Variants in CPLX1 observed in about 807,000 individuals in gnomAD.
CPLX1 encodes the protein complexin-1.
In CPLX1, 6 loss-of-function variants were observed where a neutral mutation model predicts 15.6. That is an observed-to-expected ratio of 0.39 (90% confidence interval 0.21 to 0.76). The LOEUF (loss-of-function observed/expected upper bound fraction) is 0.76. Ranked by LOEUF, CPLX1 falls within the 30% of genes least tolerant of loss-of-function variation. CPLX1 has a pLI of 0.43. For synonymous variants in CPLX1, 91 were observed against 75.2 expected (o/e 1.21, Z -1.08); for missense variants, 242 against 188.6 (o/e 1.28, Z -1.66).
At chr4:816,567 C>T (rs551363988) in intron 2 of CPLX1, among the ~76,000 whole-genome samples, 28 of 152,184 alleles carry the variant, frequency 1.8e-4, no homozygotes, top group African/African-American at 6.5e-4. Flanking sequence ...AATGCAGTAT[C>T]TCAATTTTCC....
intron 2 of CPLX1, among the ~76,000 whole-genome samples, chr4:800,117 G>C (rs1023638816): frequency 6.6e-6 from 1 of 152,122 alleles, no homozygotes; most frequent in Non-Finnish European, 1.5e-5. Flanking sequence ...TTGAATTGGA[G>C]AACACCCTGC....
At chr4:825,358 C>T (rs549795195) in intron 1 of CPLX1, among the ~76,000 whole-genome samples, 34 of 152,314 alleles carry the variant, frequency 2.2e-4, no homozygotes, top group Admixed American at 2.2e-3. Flanking sequence ...TGACGGTTCA[C>T]CCCTCGCCCT....
intron 2 of CPLX1, among the ~76,000 whole-genome samples, chr4:803,546 G>A (rs1174603530): frequency 2.0e-5 from 3 of 151,276 alleles, no homozygotes; most frequent in Admixed American, 6.6e-5. Flanking sequence ...GTCCGCCACC[G>A]CGCCCGGCTA....
intron 2 of CPLX1, among the ~76,000 whole-genome samples, chr4:807,007 T>C (rs1746566322): frequency 6.6e-6 from 1 of 152,214 alleles, no homozygotes; most frequent in Non-Finnish European, 1.5e-5. Flanking sequence ...ATCATTCTAT[T>C]TTAAGATATA....
At chr4:797,709 G>A (rs911549149) in intron 2 of CPLX1, among the ~76,000 whole-genome samples, 13 of 151,462 alleles carry the variant, frequency 8.6e-5, no homozygotes, top group Admixed American at 6.6e-5. Context: ...CAAGACCGGC[G>A]GATCACGAGG....
chr4:823,943 G>C (rs561305838), intron 2 of CPLX1, among the ~76,000 whole-genome samples: 8 of 152,210 alleles, frequency 5.3e-5, no homozygotes, highest in Middle Eastern at 3.2e-3. Context: ...CTTTTCCTTC[G>C]CTCCCGTAAC....
chr4:795,796 G>C (rs1473633870), intron 2 of CPLX1, among the ~76,000 whole-genome samples: 2 of 147,752 alleles, frequency 1.4e-5, no homozygotes, highest in African/African-American at 5.2e-5. Context: ...AAACCGGGTG[G>C]AGAGGGGGTG....
chr4:805,128 G>A (rs1319650204), intron 2 of CPLX1, among the ~76,000 whole-genome samples: 1 of 152,258 alleles, frequency 6.6e-6, no homozygotes, highest in Non-Finnish European at 1.5e-5. Context: ...GAAGCCCGGG[G>A]CCTGGAGCGG....
At chr4:818,621 A>G (rs1482826316) in intron 2 of CPLX1, among the ~76,000 whole-genome samples, 1 of 152,386 alleles carries the variant, frequency 6.6e-6, no homozygotes, top group East Asian at 1.9e-4. Context: ...CGAGGCCAGG[A>G]AAGCCGCGCC....
intron 2 of CPLX1, among the ~76,000 whole-genome samples, chr4:814,759 G>C (rs1433086405): frequency 6.6e-6 from 1 of 152,264 alleles, no homozygotes. Context: ...CAGGCAGGCA[G>C]AGCCTGTACA....
chr4:818,469 G>A (rs1288457139), intron 2 of CPLX1, among the ~76,000 whole-genome samples: 2 of 152,218 alleles, frequency 1.3e-5, no homozygotes, highest in Non-Finnish European at 1.5e-5. Flanking sequence ...TTGCGCCCAC[G>A]CTGAAGTGCC....
intron 2 of CPLX1, among the ~76,000 whole-genome samples, chr4:805,565 T>C (rs1454655123): frequency 2.6e-5 from 4 of 152,196 alleles, no homozygotes; most frequent in African/African-American, 7.2e-5. Context: ...AAATTAAACA[T>C]AGAATTGCCA....
At chr4:825,098 G>A (rs933208528) in intron 1 of CPLX1, among the ~76,000 whole-genome samples, 2 of 152,192 alleles carry the variant, frequency 1.3e-5, no homozygotes, top group African/African-American at 4.8e-5. Flanking sequence ...ACTGCAGTCA[G>A]TGTGCCCCCC....
chr4:793,048 T>C (rs557148981), intron 2 of CPLX1, among the ~76,000 whole-genome samples: 2 of 152,330 alleles, frequency 1.3e-5, no homozygotes, highest in South Asian at 2.1e-4. Context: ...GTGTGTGTGG[T>C]TGACTGCATG....
intron 2 of CPLX1, among the ~76,000 whole-genome samples, chr4:802,899 C>G (rs1028480616): frequency 6.6e-6 from 1 of 150,632 alleles, no homozygotes; most frequent in Non-Finnish European, 1.5e-5. Context: ...TGCGGTGAGC[C>G]GAGACTGCGC....
rs565906586 is a variant in CPLX1, at chr4:816,198, G to A, written c.31+8294C>T. ...TCTTAAATTTACAAGTGGATCTGAA[G>A]GCATTCTCCGTGAAATTTTTTTTTT... is the stretch of plus-strand genomic sequence containing the variant. On this transcript the variant is annotated intron_variant, in intron 2 of 3. Transcript: ENST00000304062. Among the ~76,000 whole-genome samples the A allele has an allele frequency of 9.3e-4, 141 of 151,028 alleles. 5 individuals carry two copies. The South Asian group carries it at 0.028, about 30-fold the overall frequency.
At chr4:797,309 G>C in intron 2 of CPLX1, among the ~76,000 whole-genome samples, 1 of 152,132 alleles carries the variant, frequency 6.6e-6, no homozygotes, top group Non-Finnish European at 1.5e-5. Context: ...CTGCAGCCCT[G>C]GCACCTAGAG....
intron 3 of CPLX1, among the ~76,000 whole-genome samples, chr4:791,060 C>T (rs904786035): frequency 2.0e-5 from 3 of 152,102 alleles, no homozygotes; most frequent in Non-Finnish European, 2.9e-5. Context: ...CTCCTGTCCC[C>T]GTCTCCCGCT....
chr4:790,798 AGCGT>A (rs1374662547), intron 3 of CPLX1, among the ~76,000 whole-genome samples: 1 of 151,772 alleles, frequency 6.6e-6, no homozygotes, highest in African/African-American at 2.4e-5. Flanking sequence ...ACTTCTACCC[AGCGT>A]CAGCTCTCTC....
Sources: allele counts gnomAD v4.1 joint callset (sites outside exome capture counted in the v4.1 genomes callset), GRCh38; gene constraint gnomAD v4.1.1; transcripts MANE v1.5; gene names NCBI Gene and HGNC (gene_info 2026-07-23, HGNC 2026-07-21).